GSE1: variants seen among roughly 807,000 people sequenced by gnomAD.
The protein encoded by GSE1 is genetic suppressor element 1.
GSE1 carries 32 observed loss-of-function variants against 112.6 expected under a neutral mutation model. The ratio of observed to expected loss-of-function variants is 0.28; its 90% CI spans 0.21 to 0.38. The LOEUF (loss-of-function observed/expected upper bound fraction) is 0.38. Among genes scored for constraint, GSE1 ranks in the 10% least tolerant of loss-of-function variants. The pLI is 1.00. For synonymous variants in GSE1, 1,115 were observed against 735.6 expected (o/e 1.52, Z -8.35); for missense variants, 2,348 against 1,699.2 (o/e 1.38, Z -6.71).
intron 2 of GSE1, among the ~76,000 whole-genome samples, chr16:85,393,283 G>A (rs999998705): frequency 5.3e-5 from 8 of 152,290 alleles, no homozygotes; most frequent in South Asian, 2.1e-4. Context: ...AAAGGGAGGC[G>A]GGGGCACAAA....
At chr16:85,624,371 G>A (rs181700308) in intron 1 of GSE1, among the ~76,000 whole-genome samples, 20 of 152,318 alleles carry the variant, frequency 1.3e-4, no homozygotes, top group Admixed American at 4.6e-4. Flanking sequence ...GGGCGGTTCC[G>A]GCCTCTAGCA....
At chr16:85,421,615 G>A (rs1552263) in intron 2 of GSE1, among the ~76,000 whole-genome samples, 71,839 of 151,952 alleles carry the variant, frequency 0.47, 17,919 homozygotes, top group Middle Eastern at 0.58. Flanking sequence ...GCTGGCAGCT[G>A]CTCATTTGCA....
chr16:85,605,696 A>G (rs901247361), intron 1 of GSE1, among the ~76,000 whole-genome samples: 1 of 151,550 alleles, frequency 6.6e-6, no homozygotes, highest in Non-Finnish European at 1.5e-5. Flanking sequence ...CCAAAGCCAC[A>G]TTTTAACGTT....
chr16:85,475,429 C>G (rs529349899), intron 2 of GSE1, among the ~76,000 whole-genome samples: 2 of 152,362 alleles, frequency 1.3e-5, no homozygotes, highest in South Asian at 4.1e-4. Context: ...GTAGAGGCAC[C>G]TGGTGTCCTG....
At chr16:85,524,716 G>T (rs1487518282) in intron 2 of GSE1, among the ~76,000 whole-genome samples, 1 of 152,174 alleles carries the variant, frequency 6.6e-6, no homozygotes, top group African/African-American at 2.4e-5. Flanking sequence ...TCACGAGGGG[G>T]AGAGGGCACC....
At chr16:85,405,042 T>C (rs147926881) in intron 2 of GSE1, among the ~76,000 whole-genome samples, 36 of 21,922 alleles carry the variant, frequency 1.6e-3, no homozygotes, top group Non-Finnish European at 2.1e-3. Context: ...TAATCCTCAC[T>C]ATTACACTCA....
At chr16:85,483,008 T>C (rs899769018) in intron 2 of GSE1, among the ~76,000 whole-genome samples, 15 of 146,950 alleles carry the variant, frequency 1.0e-4, no homozygotes, top group Non-Finnish European at 2.9e-5. Context: ...TACCAAACTC[T>C]CTGTGTAGCA....
At chr16:85,466,395 T>C (rs1204736401) in intron 2 of GSE1, among the ~76,000 whole-genome samples, 6 of 152,200 alleles carry the variant, frequency 3.9e-5, no homozygotes, top group Non-Finnish European at 8.8e-5. Context: ...CGGATCCCTG[T>C]CATGGCTGCC....
At chr16:85,434,345 A>AATCATCATCATCATCATC (rs1555511267) in intron 2 of GSE1, among the ~76,000 whole-genome samples, 2 of 143,460 alleles carry the variant, frequency 1.4e-5, no homozygotes, top group African/African-American at 5.1e-5. Flanking sequence ...TAATAATAAT[A>AATCATCATCATCATCATC]ATCAGTGCCG....
chr16:85,511,262 C>T (rs1442674113), intron 2 of GSE1, among the ~76,000 whole-genome samples: 1 of 152,210 alleles, frequency 6.6e-6, no homozygotes, highest in African/African-American at 2.4e-5. Context: ...TTCAGTGGCT[C>T]ACGCCTGTAA....
intron 1 of GSE1, among the ~76,000 whole-genome samples, chr16:85,579,850 G>A (rs958589584): frequency 1.3e-5 from 2 of 152,194 alleles, no homozygotes; most frequent in African/African-American, 4.8e-5. Flanking sequence ...GCTCACCCCA[G>A]TCAATCAGCA....
Position 85,457,346 on chromosome 16 carries a change from C to T in GSE1, c.2464+99703C>T, listed in dbSNP as rs985903758. On this transcript the variant is annotated intron_variant, in intron 2 of 2. Coordinates refer to the GSE1 transcript ENST00000637419. ...AGATGGGGGACAGCGAGACTCCCCC[C>T]AGACTGGACCGCAGCTGTCAGCCTG... 2.0e-5 allele frequency among the ~76,000 whole-genome samples: 3 copies of T among 152,204 alleles called. No homozygotes were observed. In the South Asian group the frequency reaches 6.2e-4, roughly 32 times the overall value.
intron 2 of GSE1, among the ~76,000 whole-genome samples, chr16:85,460,375 G>A (rs1182339391): frequency 2.6e-5 from 4 of 152,166 alleles, no homozygotes; most frequent in Admixed American, 6.5e-5. Flanking sequence ...TAAACTTCCC[G>A]AATTGTCCCG....
intron 2 of GSE1, among the ~76,000 whole-genome samples, chr16:85,640,806 G>A (rs978270488): frequency 2.0e-5 from 3 of 152,350 alleles, no homozygotes; most frequent in South Asian, 2.1e-4. Context: ...AGTCTGCGGC[G>A]GCGGCGGCTC....
chr16:85,660,334 C>T (rs986774814), intron 8 of GSE1, among the ~76,000 whole-genome samples: 2 of 152,214 alleles, frequency 1.3e-5, no homozygotes, highest in Non-Finnish European at 2.9e-5. Context: ...AGCCTGCACA[C>T]ACCTGCCGCA....
At chr16:85,466,075 A>T (rs2050112977) in intron 2 of GSE1, among the ~76,000 whole-genome samples, 1 of 152,186 alleles carries the variant, frequency 6.6e-6, no homozygotes, top group Admixed American at 6.5e-5. Flanking sequence ...CCCAGAGGGC[A>T]GGTTCACATC....
At chr16:85,546,529 G>A (rs2044708760) in intron 2 of GSE1, among the ~76,000 whole-genome samples, 1 of 152,220 alleles carries the variant, frequency 6.6e-6, no homozygotes, top group African/African-American at 2.4e-5. Context: ...GCCAGAACAG[G>A]GGCCTCTGCC....
chr16:85,629,369 C>T (rs1046410084), intron 1 of GSE1, among the ~76,000 whole-genome samples: 1 of 152,216 alleles, frequency 6.6e-6, no homozygotes, highest in Non-Finnish European at 1.5e-5. Flanking sequence ...GGCATCTGCT[C>T]CCAGACCTTC....
At chr16:85,387,984 ATGGG>A (rs756896739) in intron 2 of GSE1, among the ~76,000 whole-genome samples, 1 of 99,030 alleles carries the variant, frequency 1.0e-5, no homozygotes, top group Non-Finnish European at 2.0e-5. Flanking sequence ...GGGTGAGTGG[ATGGG>A]TGGGTGGATG....
Sources: allele counts gnomAD v4.1 joint callset (sites outside exome capture counted in the v4.1 genomes callset), GRCh38; gene constraint gnomAD v4.1.1; transcripts MANE v1.5; gene names NCBI Gene and HGNC (gene_info 2026-07-23, HGNC 2026-07-21).